Variants in SLC38A7 observed in about 807,000 individuals in gnomAD.
SLC38A7 encodes sodium-coupled neutral amino acid transporter 7.
In SLC38A7, 29 loss-of-function variants were observed where a neutral mutation model predicts 50.1. The observed-to-expected ratio is 0.58, with a 90% CI of 0.43 to 0.79. The LOEUF is 0.79. SLC38A7 is among the 30% of genes least tolerant of loss of function. The pLI is 0.00. For synonymous variants in SLC38A7, 244 were observed against 245.9 expected (o/e 0.99, Z 0.07); for missense variants, 483 against 610.6 (o/e 0.79, Z 2.20).
rs895400525 is a variant in SLC38A7 at position 58,673,347 on chromosome 16, T to C, written c.884-1104A>G. Among the ~76,000 whole-genome samples the C allele has an allele frequency of 2.6e-5, 4 of 151,898 alleles. No homozygotes were observed. The East Asian group carries it at 5.8e-4, about 22-fold the overall frequency. On this transcript the variant is annotated intron_variant, in intron 8 of 11. Transcript: ENST00000219320. ...GCCTTCTGGTTTTAAGTGATTCTCCTGCCACAGACTCCCGAGTAGCTGGGA... is the reference window on the plus strand; with the variant it reads ...GCCTTCTGGTTTTAAGTGATTCTCCCGCCACAGACTCCCGAGTAGCTGGGA...
At chr16:58,668,039 T>C (rs557760148) in intron 11 of SLC38A7, among the ~76,000 whole-genome samples, 13 of 151,260 alleles carry the variant, frequency 8.6e-5, no homozygotes, top group African/African-American at 3.2e-4. Flanking sequence ...CAGTGGCTCA[T>C]GTCTGTAATT....
At chr16:58,670,205 G>T (rs1247668554) in intron 10 of SLC38A7, 38 bp from the exon 11 acceptor site, 1 of 1,598,540 alleles carries the variant, frequency 6.3e-7, no homozygotes, top group Admixed American at 1.7e-5. Flanking sequence ...TTTGTGAGGG[G>T]AGAGGGCTCC....
chr16:58,680,115 G>A lies in SLC38A7; in HGVS notation c.12C>T (p.Val4=), dbSNP rs1456407656. ...ACTCGCTGTAGTCATTGTTGATGCT[G>A]ACCTGGGCCATGGCCCCGAGAGCCT... The part of the protein sequence containing the change: MAQ[V]SINNDYSEWD... Residue 4 remains valine, a synonymous_variant, in exon 3 of 12, where the codon GTC becomes GTT. Coordinates refer to ENST00000219320, the MANE Select transcript of SLC38A7 (RefSeq NM_018231.3). The A allele has an allele frequency of 6.6e-7, 1 of 1,526,532 alleles. No homozygotes were observed. The highest frequency in any genetic ancestry group is 2.1e-5 in the Admixed American group (1 of 47,552). 94.6% of individuals were successfully genotyped at this position (1,526,532 alleles called of 1,614,324 possible).
intron 10 of SLC38A7, 65 bp downstream of exon 10, chr16:58,670,980 G>A (rs1453025940): frequency 2.6e-6 from 4 of 1,531,402 alleles, no homozygotes; most frequent in Non-Finnish European, 2.7e-6. Flanking sequence ...GTAGGGAGCT[G>A]AGGCTAGGCA....
chr16:58,679,860 C>T lies in SLC38A7; in HGVS notation c.267G>A (p.Gln89=). Reference sequence around the variant, plus strand: ...CCCTCCCGGCCAGTGCACTCACCATCTGCAGTGCGATGCCTGCTGCCACGC... The same window carrying T: ...CCCTCCCGGCCAGTGCACTCACCATTTGCAGTGCGATGCCTGCTGCCACGC... ...AGGVAAGIAL[Q]MGMLVFIISG... Residue 89 remains glutamine (Q), a synonymous_variant, in exon 3 of 12, where the codon CAG becomes CAA. Coordinates refer to ENST00000219320, the MANE Select transcript of SLC38A7 (RefSeq NM_018231.3). 1 of 1,613,826 alleles carries T rather than the reference C, an allele frequency of 6.2e-7. No homozygotes were observed.
At chr16:58,677,577 TA>T in intron 5 of SLC38A7, 153 bp from the exon 6 acceptor site, 2 of 651,192 alleles carry the variant, frequency 3.1e-6, no homozygotes, top group Non-Finnish European at 2.7e-6. Flanking sequence ...GCCTGAGAAG[TA>T]GTTTCAGAGA....
At chr16:58,680,349 G>A in intron 2 of SLC38A7, 108 bp from the exon 3 acceptor site, 1 of 448,970 alleles carries the variant, frequency 2.2e-6, no homozygotes. Flanking sequence ...CCAAACCCAG[G>A]TATGCCTCTG....
intron 9 of SLC38A7, chr16:58,671,564 T>C (rs1040393311): frequency 3.8e-5 from 15 of 398,954 alleles, no homozygotes; most frequent in African/African-American, 3.0e-4. Flanking sequence ...GAGATTCTTT[T>C]GTTTTTTGTT....
Position 58,667,201 on chromosome 16 carries a change from G to A in SLC38A7, c.*184C>T, listed in dbSNP as rs766851321. ...CGGCACTGCCAGGACTGGGGAGCAG[G>A]AAGGGGACTGGATTTGAGCTGTCCA... is the stretch of plus-strand genomic sequence containing the variant. On this transcript the variant is annotated 3_prime_UTR_variant, in exon 12 of 12. Coordinates refer to ENST00000219320, the MANE Select transcript of SLC38A7 (RefSeq NM_018231.3). 1 of 562,642 alleles carries A rather than the reference G, an allele frequency of 1.8e-6. No homozygotes were observed. Among genetic ancestry groups the A allele is most frequent in the Non-Finnish European group, 3.1e-6 (1 of 320,024 alleles). The allele number at this position is 562,642 out of a possible 1,614,324, so 34.9% of individuals were successfully genotyped here.
intron 8 of SLC38A7, chr16:58,675,232 G>A (rs1344562496): frequency 1.1e-5 from 4 of 353,186 alleles, no homozygotes; most frequent in Non-Finnish European, 2.2e-5. Context: ...TTTAGGCTGG[G>A]TTGGTGGCTC....
At chr16:58,673,470 G>A (rs1438642118) in intron 8 of SLC38A7, among the ~76,000 whole-genome samples, 1 of 151,554 alleles carries the variant, frequency 6.6e-6, no homozygotes, top group Non-Finnish European at 1.5e-5. Flanking sequence ...TCCTGACCTC[G>A]TCATCCGCCT....
chr16:58,681,832 C>G (rs891143377), intron 2 of SLC38A7: 1 of 152,198 alleles, frequency 6.6e-6, no homozygotes, highest in African/African-American at 2.4e-5. Flanking sequence ...CTCTCCAGCC[C>G]TAAGCAAGCA....
intron 5 of SLC38A7, 105 bp from the exon 6 acceptor site, chr16:58,677,529 G>T: frequency 1.1e-6 from 1 of 923,854 alleles, no homozygotes; most frequent in Non-Finnish European, 1.7e-6. Flanking sequence ...AGTGTCCACT[G>T]AATGAACCGG....
intron 8 of SLC38A7, among the ~76,000 whole-genome samples, chr16:58,672,500 G>A (rs915782095): frequency 6.6e-6 from 1 of 152,070 alleles, no homozygotes; most frequent in African/African-American, 2.4e-5. Context: ...CAGTGCCTTG[G>A]CACTGACTGT....
Position 58,672,169 on chromosome 16 carries a change from C to T in SLC38A7, c.958G>A (p.Ala320Thr), listed in dbSNP as rs1256079803. Residue 320 changes from alanine to threonine, a missense_variant, in exon 9 of 12, where the codon GCC (alanine) becomes ACC (threonine). By Grantham distance (58) the Ala-to-Thr change is moderately conservative. Transcript: ENST00000219320. ...VLLSYPSEDM[A>T]VAVARAFIIL... Reference sequence around the variant, plus strand: ...ATGAAGGCTCGGGCAACGGCCACGGCCATGTCCTCCGAGGGATAGGACAGG... The same window carrying T: ...ATGAAGGCTCGGGCAACGGCCACGGTCATGTCCTCCGAGGGATAGGACAGG... The T allele has an allele frequency of 6.4e-7, 1 of 1,568,910 alleles. No individual in the cohort carries two copies. Among genetic ancestry groups the T allele is most frequent in the South Asian group, 1.2e-5 (1 of 85,090 alleles).
In SLC38A7 at chr16:58,667,265, G is replaced by A; in HGVS notation, c.*120C>T. ...TGAGTTTGCCCCAGTCCCTGGAAGA[G>A]GATGTCCGGATGTCATCCCACCAGT... On this transcript the variant is annotated 3_prime_UTR_variant, in exon 12 of 12. Coordinates refer to ENST00000219320, the MANE Select transcript of SLC38A7 (RefSeq NM_018231.3). 9.6e-7 allele frequency: 1 copy of A among 1,042,806 alleles called. No homozygotes were observed. Among genetic ancestry groups the A allele is most frequent in the African/African-American group, 1.6e-5 (1 of 64,070 alleles). The allele number at this position is 1,042,806 out of a possible 1,614,324, so 64.6% of individuals were successfully genotyped here.
chr16:58,676,554 C>A (rs943765165), intron 6 of SLC38A7, among the ~76,000 whole-genome samples: 8 of 152,346 alleles, frequency 5.3e-5, no homozygotes, highest in East Asian at 1.9e-4. Flanking sequence ...GAAAAGCCCC[C>A]CTGGGGCCAA....
chr16:58,675,838 G>T, intron 8 of SLC38A7, 102 bp downstream of exon 8: 2 of 866,554 alleles, frequency 2.3e-6, no homozygotes, highest in South Asian at 1.7e-5. Context: ...GTCATGCTGG[G>T]AATGCAGGGC....
chr16:58,671,337 G>T, intron 9 of SLC38A7, 93 bp from the exon 10 acceptor site: 2 of 1,289,986 alleles, frequency 1.6e-6, no homozygotes, highest in Non-Finnish European at 2.2e-6. Context: ...TGGGTAGACT[G>T]CGGGGAAAGC....
Sources: allele counts gnomAD v4.1 joint callset (sites outside exome capture counted in the v4.1 genomes callset), GRCh38; gene constraint gnomAD v4.1.1; transcripts MANE v1.5; gene names NCBI Gene and HGNC (gene_info 2026-07-23, HGNC 2026-07-21).